Variants in DIAPH2 observed in about 807,000 individuals in gnomAD.
DIAPH2 encodes the protein protein diaphanous homolog 2.
In DIAPH2, 35 loss-of-function variants were observed where a neutral mutation model predicts 92.7. The observed-to-expected ratio is 0.38, with a 90% CI of 0.29 to 0.50. The LOEUF (loss-of-function observed/expected upper bound fraction) is 0.50, where lower values mean the gene tolerates loss of function less well. Among genes scored for constraint, DIAPH2 ranks in the 20% least tolerant of loss-of-function variants. The pLI is 0.94. For missense variants in DIAPH2, 701 were observed against 819.5 expected (o/e 0.86, Z 1.77); for synonymous variants, 301 against 280.4 (o/e 1.07, Z -0.73).
chrX:96,941,456 G>A (rs139593231), intron 12 of DIAPH2, among the ~76,000 whole-genome samples: 4,372 of 111,593 alleles, frequency 0.039, 102 homozygotes, highest in Middle Eastern at 0.079. Context: ...AAGTGTGTAT[G>A]CTTTTATAAA....
At position 97,164,957 on chromosome X, in the gene DIAPH2, A is replaced by C. The variant is rs139724281; in HGVS notation, c.2719+23163A>C. Among the ~76,000 whole-genome samples the C allele has an allele frequency of 9.1e-4, 102 of 112,537 alleles. 1 individual carries two copies. The highest frequency in any genetic ancestry group is 3.2e-3 in the African/African-American group (99 of 31,036). ...GACCAAGAAAGAAATATTTTCAGGTAAATGGTAAAGCAGGGAGATGACACA... is the reference window on the plus strand; with the variant it reads ...GACCAAGAAAGAAATATTTTCAGGTCAATGGTAAAGCAGGGAGATGACACA... On this transcript the variant is annotated intron_variant, in intron 22 of 26. Transcript: ENST00000324765.
intron 23 of DIAPH2, among the ~76,000 whole-genome samples, chrX:97,324,275 G>A (rs1381958560): frequency 9.0e-6 from 1 of 111,591 alleles, no homozygotes; most frequent in Non-Finnish European, 1.9e-5. Flanking sequence ...AATACCTCTT[G>A]TAGCTAAGAA....
intron 22 of DIAPH2, among the ~76,000 whole-genome samples, chrX:97,200,828 TCA>T (rs2147492874): frequency 9.0e-6 from 1 of 111,685 alleles, no homozygotes. Context: ...CTGGTAAGGC[TCA>T]GTCTGCCTCC....
chrX:97,350,541 G>C (rs1165917523), intron 24 of DIAPH2, among the ~76,000 whole-genome samples: 2 of 111,103 alleles, frequency 1.8e-5, no homozygotes, highest in African/African-American at 6.5e-5. Context: ...AACTCTACTT[G>C]TATCACTTTT....
chrX:97,058,000 C>T (rs2066569461), intron 17 of DIAPH2, among the ~76,000 whole-genome samples: 1 of 110,437 alleles, frequency 9.1e-6, no homozygotes, highest in Admixed American at 9.6e-5. Context: ...GTGGTACTTG[C>T]TTACTGTCTA....
At chrX:96,747,982 G>A (rs1350094871) in intron 3 of DIAPH2, among the ~76,000 whole-genome samples, 1 of 111,608 alleles carries the variant, frequency 9.0e-6, no homozygotes. Flanking sequence ...CGGAGATAAT[G>A]CCAGAAGCAT....
chrX:96,699,514 C>T (rs1175637119), intron 1 of DIAPH2, among the ~76,000 whole-genome samples: 3 of 111,754 alleles, frequency 2.7e-5, no homozygotes, highest in Non-Finnish European at 5.6e-5. Context: ...GGTTGCTGTT[C>T]TCTATCCTAC....
rs371387553 is a variant in DIAPH2, at chrX:96,809,475, T to C, written c.447+51217T>C. 6.2e-4 allele frequency among the ~76,000 whole-genome samples: 69 copies of C among 110,582 alleles called. No individual in the cohort carries two copies. In the South Asian group the frequency reaches 0.026, roughly 41 times the overall value. ...TTTACATCTTGCATGACTGAAACTT[T>C]ATGCCCATTGCACCACAACTCTTTT... On this transcript the variant is annotated intron_variant, in intron 4 of 26. Transcript: ENST00000324765.
intron 26 of DIAPH2, among the ~76,000 whole-genome samples, chrX:97,570,117 T>TATATTAGAAG (rs2071358424): frequency 6.8e-4 from 18 of 26,408 alleles, no homozygotes; most frequent in African/African-American, 1.8e-3. Flanking sequence ...TATATATATA[T>TATATTAGAAG]ATATATTAGA....
intron 15 of DIAPH2, among the ~76,000 whole-genome samples, chrX:96,957,458 G>A (rs141796561): frequency 8.1e-5 from 9 of 111,632 alleles, no homozygotes; most frequent in African/African-American, 2.6e-4. Flanking sequence ...CAAGGAGAAG[G>A]GCCAAGCAAA....
intron 17 of DIAPH2, among the ~76,000 whole-genome samples, chrX:96,975,387 G>A (rs977624706): frequency 2.7e-5 from 3 of 111,784 alleles, no homozygotes; most frequent in African/African-American, 9.8e-5. Flanking sequence ...TCTTGCAATT[G>A]ACTTGAAATT....
rs766578833 is a variant in DIAPH2, at chrX:96,772,143, T to C, written c.447+13885T>C. The stretch of plus-strand genomic sequence containing the variant: ...GTTAATCAAGTTTCTTCTGTCTGTT[T>C]ATCTGTTCGGAAAGGACTGTTTGGT... On this transcript the variant is annotated intron_variant, in intron 4 of 26. Coordinates refer to ENST00000324765, the MANE Select transcript of DIAPH2 (RefSeq NM_006729.5). 8.9e-5 allele frequency among the ~76,000 whole-genome samples: 10 copies of C among 112,196 alleles called. No homozygotes were observed. The South Asian group carries it at 3.7e-3, about 41-fold the overall frequency.
At chrX:96,912,772 C>T (rs2098293343) in intron 7 of DIAPH2, among the ~76,000 whole-genome samples, 2 of 110,648 alleles carry the variant, frequency 1.8e-5, no homozygotes, top group East Asian at 2.8e-4. Flanking sequence ...TCATCTTCCC[C>T]ACCCCGTACC....
In DIAPH2 at chrX:97,604,985, G is replaced by C. The variant is rs974379674; in HGVS notation, c.*5668G>C. 1 of 112,125 alleles carries C rather than the reference G, an allele frequency of 8.9e-6. No individual in the cohort carries two copies. The highest frequency in any genetic ancestry group is 1.9e-5 in the Non-Finnish European group (1 of 53,292). 9.2% of individuals were successfully genotyped at this position (112,125 alleles called of 1,213,427 possible). The stretch of plus-strand genomic sequence containing the variant: ...CTACTTACTTATTCAATAAAGTTAA[G>C]ATATACGTTAAATGTTGTGCTGCCT... On this transcript the variant is annotated 3_prime_UTR_variant, in exon 27 of 27. Transcript: ENST00000324765.
At chrX:96,964,654 C>T (rs772996802) in intron 16 of DIAPH2, among the ~76,000 whole-genome samples, 7 of 111,379 alleles carry the variant, frequency 6.3e-5, no homozygotes, top group Non-Finnish European at 1.1e-4. Flanking sequence ...ATGCAAATAA[C>T]TTAAGACAGT....
chrX:97,299,706 G>A (rs1012447611), intron 23 of DIAPH2, among the ~76,000 whole-genome samples: 3 of 111,798 alleles, frequency 2.7e-5, no homozygotes, highest in Non-Finnish European at 5.6e-5. Context: ...TCAGTCTAAA[G>A]CAAAATATTT....
At chrX:97,088,996 A>C (rs1382113744) in intron 19 of DIAPH2, among the ~76,000 whole-genome samples, 1 of 110,874 alleles carries the variant, frequency 9.0e-6, no homozygotes, top group Non-Finnish European at 1.9e-5. Flanking sequence ...ACTAGATCCA[A>C]ACAGAACAGC....
intron 17 of DIAPH2, among the ~76,000 whole-genome samples, chrX:96,999,036 G>A (rs2066124194): frequency 9.0e-6 from 1 of 111,285 alleles, no homozygotes; most frequent in Non-Finnish European, 1.9e-5. Flanking sequence ...TCAATTCTTT[G>A]TCATCTGTCT....
At chrX:96,990,431 T>C (rs1194158006) in intron 17 of DIAPH2, among the ~76,000 whole-genome samples, 2 of 111,910 alleles carry the variant, frequency 1.8e-5, no homozygotes, top group Non-Finnish European at 1.9e-5. Context: ...CAGTATCATA[T>C]AGTCTGGAGA....
Sources: allele counts gnomAD v4.1 joint callset (sites outside exome capture counted in the v4.1 genomes callset), GRCh38; gene constraint gnomAD v4.1.1; transcripts MANE v1.5; gene names NCBI Gene and HGNC (gene_info 2026-07-23, HGNC 2026-07-21).